DSP: variants seen among roughly 807,000 people sequenced by gnomAD.
The protein encoded by DSP is 250/210 kDa paraneoplastic pemphigus antigen.
DSP carries 114 observed loss-of-function variants against 290.6 expected under a neutral mutation model. That is an observed-to-expected ratio of 0.39 (90% confidence interval 0.34 to 0.46). DSP has a LOEUF of 0.46. Among genes scored for constraint, DSP ranks in the 20% least tolerant of loss-of-function variants. The pLI is 0.99. For missense variants in DSP, 3,230 were observed against 3,495.8 expected (o/e 0.92, Z 1.92); for synonymous variants, 1,311 against 1,316.4 (o/e 1.00, Z 0.09).
intron 9 of DSP, 145 bp from the exon 10 acceptor site, chr6:7,567,636 A>G: frequency 7.6e-7 from 1 of 1,315,954 alleles, no homozygotes; most frequent in South Asian, 1.2e-5. Flanking sequence ...CCGCTGCCAC[A>G]TACCTAAATA....
At chr6:7,549,976 T>G (rs1280086422) in intron 1 of DSP, among the ~76,000 whole-genome samples, 1 of 152,088 alleles carries the variant, frequency 6.6e-6, no homozygotes, top group African/African-American at 2.4e-5. Flanking sequence ...ATATTTGTCT[T>G]GTTTTTTTGT....
intron 9 of DSP, 121 bp downstream of exon 9, chr6:7,567,570 T>G (rs1433908659): frequency 1.7e-6 from 2 of 1,171,900 alleles, no homozygotes; most frequent in East Asian, 4.9e-5. Context: ...TTCATTGATT[T>G]TGAGTGCAGA....
rs974090870 is a variant in DSP, at chr6:7,586,435, G to T, written c.*557G>T. On this transcript the variant is annotated 3_prime_UTR_variant, in exon 24 of 24. Transcript: ENST00000379802. ...CTCTTCGATGTACTTGTTTGGTTTG[G>T]TATTAATTTGACTGTGCATGACAGC... 1.3e-5 allele frequency: 2 copies of T among 152,700 alleles called. No homozygotes were observed. The highest frequency in any genetic ancestry group is 2.9e-5 in the Non-Finnish European group (2 of 68,532). 9.5% of individuals were successfully genotyped at this position (152,700 alleles called of 1,614,324 possible).
In DSP at chr6:7,585,388, C is replaced by G. The variant is rs780818526; in HGVS notation, c.8126C>G (p.Ala2709Gly). Residue 2709 changes from alanine (A) to glycine (G), a missense_variant, in exon 24 of 24, where the codon GCA becomes GGA. Ala to Gly is a moderately conservative substitution (Grantham distance 60, BLOSUM62 0). Around this residue, in one of 5 missense-constraint regions of DSP, gnomAD observed 582 missense variants for 555.4 expected, o/e 1.05. Coordinates refer to ENST00000379802, the MANE Select transcript of DSP (RefSeq NM_004415.4). ...GTGAAGGGAAAGAAGAAGATGTCAG[C>G]AGCAGAGGCAGTGAAAGAAAAATGG... ...EGVKGKKKMS[A>G]AEAVKEKWLP... The G allele has an allele frequency of 6.8e-6, 11 of 1,613,968 alleles. No individual in the cohort carries two copies. The highest frequency in any genetic ancestry group is 9.3e-6 in the Non-Finnish European group (11 of 1,179,990).
Position 7,580,171 on chromosome 6 carries a change from C to G in DSP, c.3981C>G (p.Ile1327Met), listed in dbSNP as rs397516934. 1.2e-6 allele frequency: 2 copies of G among 1,613,914 alleles called. No individual in the cohort carries two copies. The highest frequency in any genetic ancestry group is 1.1e-5 in the South Asian group (1 of 91,046). Reference sequence around the variant, plus strand: ...CCATTCAGGACAAAAATAAGGAGATCGAGAGACTCAAAGCTGAGTTTCAGG... The same window carrying G: ...CCATTCAGGACAAAAATAAGGAGATGGAGAGACTCAAAGCTGAGTTTCAGG... ...AKTIQDKNKE[I>M]ERLKAEFQEE... The change falls in exon 23 of 24, where the codon ATC (isoleucine) becomes ATG (methionine). Residue 1327 changes from isoleucine to methionine, a missense_variant. Coordinates refer to ENST00000379802, the MANE Select transcript of DSP (RefSeq NM_004415.4). The surrounding 1 kb of genome is among the most constrained non-coding windows in gnomAD (Gnocchi z 4.2).
rs772041102 is a variant in DSP at position 7,554,125 on chromosome 6, A to ACACACACACACACACACACACACACACC, written c.171-1592_171-1591insACACACACACACACACACACACACACCC. Among the ~76,000 whole-genome samples the ACACACACACACACACACACACACACACC allele has an allele frequency of 6.0e-3, 868 of 144,196 alleles. 10 individuals carry two copies. Among genetic ancestry groups the ACACACACACACACACACACACACACACC allele is most frequent in the Middle Eastern group, 0.011 (3 of 278 alleles). 94.6% of individuals were successfully genotyped at this position (144,196 alleles called of 152,430 possible). A position where few individuals can be genotyped will look rare whatever the true frequency, so the allele number is the denominator to read the frequency against. On this transcript the variant is annotated intron_variant, in intron 1 of 23. Transcript: ENST00000379802. ...CACACACACACACACACACACACAC[A>ACACACACACACACACACACACACACACC]CCCAGTTGGTTAGACAGGCATCAGA...
At chr6:7,577,129 C>A (rs912584789) in intron 20 of DSP, 87 bp downstream of exon 20, 2 of 1,009,538 alleles carry the variant, frequency 2.0e-6, no homozygotes, top group Non-Finnish European at 1.5e-6. Context: ...AGCGTATACA[C>A]TTCCTGAGGA....
chr6:7,583,908 C>G lies in DSP; in HGVS notation c.6646C>G (p.Pro2216Ala). The change falls in exon 24 of 24, where the codon CCT becomes GCT. Residue 2216 changes from proline (P) to alanine (A), a missense_variant. Around this residue, in one of 5 missense-constraint regions of DSP, gnomAD observed 207 missense variants for 281.2 expected, o/e 0.74. Coordinates refer to ENST00000379802, the MANE Select transcript of DSP (RefSeq NM_004415.4). The surrounding 1 kb of genome is among the most constrained non-coding windows in gnomAD (Gnocchi z 4.0). ...RSMSFQGIRQPVTVTELVDSG... is the reference protein window; with the variant it reads ...RSMSFQGIRQAVTVTELVDSG... ...CATGTCCTTCCAAGGAATCAGACAA[C>G]CTGTGACCGTCACTGAGCTAGTAGA... 2 of 1,614,122 alleles carry G rather than the reference C, an allele frequency of 1.2e-6. No homozygotes were observed. Among genetic ancestry groups the G allele is most frequent in the Non-Finnish European group, 1.7e-6 (2 of 1,180,042 alleles).
intron 10 of DSP, 146 bp downstream of exon 10, chr6:7,568,052 T>A (rs1317589575): frequency 7.9e-6 from 10 of 1,270,084 alleles, no homozygotes; most frequent in African/African-American, 3.0e-5. Context: ...CCAGTGGCTT[T>A]TCTCAAAATT....
rs113666905 is a variant in DSP, at chr6:7,566,657, T to G, written c.1044+176T>G. Among the ~76,000 whole-genome samples, 41 of 152,330 alleles carry G rather than the reference T, an allele frequency of 2.7e-4. 1 individual carries two copies. Among genetic ancestry groups the G allele is most frequent in the African/African-American group, 9.4e-4 (39 of 41,574 alleles). ...CTCTTTTCAGGAAAGGACCAGACAATCAGTATTTTAGACTTTCAGGCCATT... is the reference window on the plus strand; with the variant it reads ...CTCTTTTCAGGAAAGGACCAGACAAGCAGTATTTTAGACTTTCAGGCCATT... On this transcript the variant is annotated intron_variant, in intron 8 of 23. Coordinates refer to ENST00000379802, the MANE Select transcript of DSP (RefSeq NM_004415.4).
At position 7,583,182 on chromosome 6, in the gene DSP, A is replaced by G. The variant is rs1561701683; in HGVS notation, c.5920A>G (p.Lys1974Glu). The change falls in exon 24 of 24, where the codon AAG becomes GAG. Residue 1974 changes from lysine (K) to glutamate (E), a missense_variant. By Grantham distance (56) the Lys-to-Glu change is moderately conservative. Around this residue, in one of 5 missense-constraint regions of DSP, gnomAD observed 1,714 missense variants for 1,844.5 expected, o/e 0.93. Transcript: ENST00000379802. This position sits in a 1 kb window ranked among gnomAD's most constrained non-coding sequence, Gnocchi z 4.0. ...SKLVFDGLRK[K>E]VTAMQLYECQ... The stretch of plus-strand genomic sequence containing the variant: ...GCTGGTGTTTGATGGGCTGAGGAAG[A>G]AGGTGACAGCAATGCAGCTCTATGA... 1.2e-6 allele frequency: 2 copies of G among 1,614,122 alleles called. No homozygotes were observed. Among genetic ancestry groups the G allele is most frequent in the Non-Finnish European group, 1.7e-6 (2 of 1,180,008 alleles).
chr6:7,564,451 A>G (rs532939202), intron 6 of DSP, among the ~76,000 whole-genome samples: 28 of 152,182 alleles, frequency 1.8e-4, no homozygotes, highest in African/African-American at 6.5e-4. Flanking sequence ...TGATTTTCCT[A>G]TTGGGCTGGG....
At chr6:7,551,629 CAA>C (rs5874101) in intron 1 of DSP, among the ~76,000 whole-genome samples, 2 of 143,770 alleles carry the variant, frequency 1.4e-5, no homozygotes, top group Non-Finnish European at 1.5e-5. Flanking sequence ...GACTCCTTCT[CAA>C]AAAAAAAAAA....
At chr6:7,554,720 C>T (rs1229101118) in intron 1 of DSP, among the ~76,000 whole-genome samples, 2 of 152,210 alleles carry the variant, frequency 1.3e-5, no homozygotes, top group African/African-American at 2.4e-5. Context: ...TCATAGCTCA[C>T]TGTAGCCTCC....
At chr6:7,554,687 G>A (rs1054397173) in intron 1 of DSP, among the ~76,000 whole-genome samples, 15 of 152,030 alleles carry the variant, frequency 9.9e-5, no homozygotes, top group African/African-American at 3.1e-4. Flanking sequence ...CTCTGTCACC[G>A]AGGCAAGAGT....
intron 15 of DSP, among the ~76,000 whole-genome samples, chr6:7,573,556 C>T (rs1251251371): frequency 2.0e-5 from 3 of 148,662 alleles, no homozygotes; most frequent in Admixed American, 6.8e-5. Context: ...CCAGCCTGGG[C>T]GACAGAGCGA....
Position 7,580,707 on chromosome 6 carries a change from GA to G in DSP, c.4518del (p.Arg1506SerfsTer20), listed in dbSNP as rs1289037294. 1 of 1,613,926 alleles carries G rather than the reference GA, an allele frequency of 6.2e-7. No individual in the cohort carries two copies. Among genetic ancestry groups the G allele is most frequent in the African/African-American group, 1.3e-5 (1 of 74,928 alleles). On this transcript the variant is annotated frameshift_variant, in exon 23 of 24. Coordinates refer to ENST00000379802, the MANE Select transcript of DSP (RefSeq NM_004415.4). LOFTEE classifies it high-confidence loss of function. The surrounding 1 kb of genome is among the most constrained non-coding windows in gnomAD (Gnocchi z 4.2). ...DRKCLEDENA[R>X]LQRVQYDLQK... is the part of the protein sequence containing the mutation. Reference sequence around the variant, plus strand: ...AAATGCCTGGAAGATGAAAACGCGAGATTACAAAGGGTCCAGTATGACCTGC... The same window carrying G: ...AAATGCCTGGAAGATGAAAACGCGAGTTACAAAGGGTCCAGTATGACCTGC...
chr6:7,541,730 G>A lies in DSP; in HGVS notation c.-186G>A. On this transcript the variant is annotated 5_prime_UTR_variant, in exon 1 of 24. Coordinates refer to ENST00000379802, the MANE Select transcript of DSP (RefSeq NM_004415.4). ...TTCCTCCCGCTCCTGCCCCCGGCCC[G>A]TCGCCGTCTCCGCGCTCGCAGCGGC... 1.4e-6 allele frequency: 1 copy of A among 693,102 alleles called. No individual in the cohort carries two copies. The highest frequency in any genetic ancestry group is 3.3e-5 in the Admixed American group (1 of 30,740). 42.9% of individuals were successfully genotyped at this position (693,102 alleles called of 1,614,324 possible).
intron 1 of DSP, among the ~76,000 whole-genome samples, chr6:7,549,932 A>T (rs1758284101): frequency 6.6e-6 from 1 of 152,158 alleles, no homozygotes; most frequent in Non-Finnish European, 1.5e-5. Flanking sequence ...TTCATTTAAA[A>T]ACTTTGTTTT....
Sources: gnomAD v4.1 joint callset for allele counts (sites outside exome capture counted in the v4.1 genomes callset) on GRCh38, gnomAD v4.1.1 for gene constraint, gnomAD v4.1.1 regional missense constraint, Gnocchi (gnomAD v3.1) non-coding constraint, MANE v1.5 for transcripts, NCBI Gene and HGNC (gene_info 2026-07-23, HGNC 2026-07-21) for gene names.